PDE8B: variants seen among roughly 807,000 people sequenced by gnomAD.
PDE8B encodes the protein phosphodiesterase 8B, also known as high affinity cAMP-specific and IBMX-insensitive 3',5'-cyclic phosphodiesterase 8B.
PDE8B carries 26 observed loss-of-function variants against 101.3 expected under a neutral mutation model. The ratio of observed to expected loss-of-function variants is 0.26; its 90% CI spans 0.19 to 0.36. The LOEUF (loss-of-function observed/expected upper bound fraction) is 0.36. Among genes scored for constraint, PDE8B ranks in the 10% least tolerant of loss-of-function variants. PDE8B has a pLI of 1.00. For synonymous variants in PDE8B, 424 were observed against 429.3 expected, an observed-to-expected ratio of 0.99 and a Z score of 0.15; for missense variants, 810 against 1,163.1, an observed-to-expected ratio of 0.70 and a Z score of 4.42.
chr5:77,208,070 C>T (rs1747648808), upstream of PDE8B, among the ~76,000 whole-genome samples: 1 of 152,226 alleles, frequency 6.6e-6, no homozygotes, highest in Non-Finnish European at 1.5e-5. Context: ...AGGTCACCTA[C>T]TCTTTCAAGG....
chr5:77,383,527 C>G (rs571995605), intron 10 of PDE8B, among the ~76,000 whole-genome samples: 2 of 151,634 alleles, frequency 1.3e-5, no homozygotes, highest in Admixed American at 1.3e-4. Flanking sequence ...TAAAACATAC[C>G]AAGTGTTTTA....
chr5:77,312,599 G>A (rs1461703481), intron 2 of PDE8B, among the ~76,000 whole-genome samples: 1 of 152,236 alleles, frequency 6.6e-6, no homozygotes, highest in Non-Finnish European at 1.5e-5. Context: ...AGTCACAACT[G>A]GGTGGGAATC....
chr5:77,104,580 A>C, the PDE8B span: 1 of 152,204 alleles, frequency 6.6e-6, no homozygotes, highest in Non-Finnish European at 1.5e-5. Context: ...TCTTGGAAGC[A>C]GAGACCAGCT....
chr5:77,333,121 A>G (rs1201923129), intron 5 of PDE8B, among the ~76,000 whole-genome samples: 2 of 152,150 alleles, frequency 1.3e-5, no homozygotes, highest in Non-Finnish European at 2.9e-5. Flanking sequence ...CTAGTGGCTC[A>G]CGATGCGTGA....
intron 10 of PDE8B, among the ~76,000 whole-genome samples, chr5:77,370,930 T>C (rs77095012): frequency 0.074 from 11,286 of 152,236 alleles, 667 homozygotes; most frequent in African/African-American, 0.16. Flanking sequence ...ATTGGTCTTT[T>C]TTAAATGTCA....
intron 2 of PDE8B, among the ~76,000 whole-genome samples, chr5:77,312,829 A>G (rs952516384): frequency 6.6e-6 from 1 of 152,304 alleles, no homozygotes; most frequent in Non-Finnish European, 1.5e-5. Flanking sequence ...TACATCTTCT[A>G]TGTGACTTAA....
chr5:77,327,794 C>T (rs1776317265), intron 3 of PDE8B, among the ~76,000 whole-genome samples: 1 of 152,176 alleles, frequency 6.6e-6, no homozygotes, highest in Non-Finnish European at 1.5e-5. Context: ...TCCAAAAGAT[C>T]TCTTTCAAAT....
chr5:77,181,340 G>A, the PDE8B span, among the ~76,000 whole-genome samples: 3 of 152,132 alleles, frequency 2.0e-5, no homozygotes, highest in Non-Finnish European at 2.9e-5. Context: ...GGGAAGCTGC[G>A]CAGGCGGCGC....
chr5:77,237,030 T>C lies in PDE8B; in HGVS notation c.339+25766T>C, dbSNP rs539536903. Among the ~76,000 whole-genome samples, 14 of 152,316 alleles carry C rather than the reference T, an allele frequency of 9.2e-5. 2 individuals carry two copies. In the South Asian group the frequency reaches 2.7e-3, roughly 29 times the overall value. On this transcript the variant is annotated intron_variant, in intron 1 of 21. Coordinates refer to ENST00000264917, the MANE Select transcript of PDE8B (RefSeq NM_003719.5). Reference sequence around the variant, plus strand: ...AATTGACTTTTTTATGATTATGTAATTTCCCTTTTTATCCCTAGTAATTTT... The same window carrying C: ...AATTGACTTTTTTATGATTATGTAACTTCCCTTTTTATCCCTAGTAATTTT...
the PDE8B span, chr5:77,142,078 A>G: frequency 6.6e-6 from 1 of 152,230 alleles, no homozygotes; most frequent in South Asian, 2.1e-4. Flanking sequence ...TTATATTAAG[A>G]CTATATATGT....
At chr5:77,297,766 C>T (rs373179422) in intron 1 of PDE8B, among the ~76,000 whole-genome samples, 15 of 152,228 alleles carry the variant, frequency 9.9e-5, no homozygotes, top group African/African-American at 2.7e-4. Flanking sequence ...GGACTGTTCA[C>T]ACAAACTCTG....
At chr5:77,325,772 C>A in intron 3 of PDE8B, 43 bp downstream of exon 3, 1 of 1,288,472 alleles carries the variant, frequency 7.8e-7, no homozygotes, top group Non-Finnish European at 1.1e-6. Flanking sequence ...GTTCACTTTA[C>A]ATCTTAAAAC....
the PDE8B span, among the ~76,000 whole-genome samples, chr5:77,101,289 T>A: frequency 6.6e-6 from 1 of 152,090 alleles, no homozygotes; most frequent in African/African-American, 2.4e-5. Context: ...TCTTTTGCAT[T>A]TCTTTTGCAA....
chr5:77,327,132 C>G (rs1226361263), intron 3 of PDE8B, among the ~76,000 whole-genome samples: 1 of 152,170 alleles, frequency 6.6e-6, no homozygotes, highest in Non-Finnish European at 1.5e-5. Context: ...TGCTTGACTC[C>G]CAGCACACAT....
At chr5:77,093,430 A>T in the PDE8B span, among the ~76,000 whole-genome samples, 1 of 152,070 alleles carries the variant, frequency 6.6e-6, no homozygotes, top group African/African-American at 2.4e-5. Flanking sequence ...GTTGATGGTA[A>T]TGTCCCCTCT....
At chr5:77,351,234 T>C in intron 9 of PDE8B, 81 bp downstream of exon 9, 1 of 1,011,098 alleles carries the variant, frequency 9.9e-7, no homozygotes, top group East Asian at 2.4e-5. Context: ...AATGCCAGTA[T>C]GAGCCTTACA....
At chr5:77,180,015 T>C in the PDE8B span, among the ~76,000 whole-genome samples, 9 of 152,204 alleles carry the variant, frequency 5.9e-5, no homozygotes, top group Non-Finnish European at 1.3e-4. Context: ...CAGGCAAATC[T>C]GATCTTTCAG....
At chr5:77,177,839 G>A in the PDE8B span, among the ~76,000 whole-genome samples, 1 of 152,226 alleles carries the variant, frequency 6.6e-6, no homozygotes, top group Non-Finnish European at 1.5e-5. Flanking sequence ...ACCTCTAGAT[G>A]TTATCAGAAT....
At chr5:77,419,920 C>G (rs763568965) in intron 19 of PDE8B, 33 bp downstream of exon 19, 1 of 1,612,060 alleles carries the variant, frequency 6.2e-7, no homozygotes, top group Non-Finnish European at 8.5e-7. Flanking sequence ...TAAGGCACAT[C>G]CAAGTACATT....
Sources: allele counts gnomAD v4.1 joint callset (sites outside exome capture counted in the v4.1 genomes callset), GRCh38; gene constraint gnomAD v4.1.1; transcripts MANE v1.5; gene names NCBI Gene and HGNC (gene_info 2026-07-23, HGNC 2026-07-21).